Variants in TBL1X observed in about 807,000 individuals in gnomAD.
TBL1X encodes the protein F-box-like/WD repeat-containing protein TBL1X.
Under a neutral mutation model 50.7 loss-of-function variants are expected in TBL1X, and 10 were observed. The observed-to-expected ratio is 0.20, with a 90% CI of 0.12 to 0.33. The LOEUF is 0.33. Ranked by LOEUF, TBL1X falls within the 10% of genes least tolerant of loss-of-function variation. TBL1X has a pLI of 1.00. For synonymous variants in TBL1X, 190 were observed against 214.7 expected, an observed-to-expected ratio of 0.88 and a Z score of 1.01; for missense variants, 340 against 504.4, an observed-to-expected ratio of 0.67 and a Z score of 3.12.
chrX:9,475,452 G>T (rs1481441799), intron 1 of TBL1X, among the ~76,000 whole-genome samples: 1 of 109,755 alleles, frequency 9.1e-6, no homozygotes, highest in Non-Finnish European at 1.9e-5. Flanking sequence ...CACCATGTTG[G>T]CCAGGCTGGT....
At chrX:9,609,056 C>T (rs918248790) in intron 2 of TBL1X, among the ~76,000 whole-genome samples, 32 of 111,835 alleles carry the variant, frequency 2.9e-4, no homozygotes, top group African/African-American at 1.0e-3. Context: ...GAGAAAAGAA[C>T]TTCCTCAACA....
intron 2 of TBL1X, among the ~76,000 whole-genome samples, chrX:9,506,154 A>C (rs907330148): frequency 8.9e-6 from 1 of 112,390 alleles, no homozygotes; most frequent in Non-Finnish European, 1.9e-5. Context: ...AACTCATTCA[A>C]AACCACATAA....
chrX:9,559,955 GTAA>G (rs1441557607), intron 2 of TBL1X, among the ~76,000 whole-genome samples: 2 of 111,805 alleles, frequency 1.8e-5, no homozygotes, highest in African/African-American at 6.5e-5. Flanking sequence ...ATCATAGCTG[GTAA>G]TAATGCCCTC....
intron 4 of TBL1X, 122 bp downstream of exon 4, chrX:9,653,811 C>T: frequency 1.6e-6 from 1 of 626,697 alleles, no homozygotes; most frequent in Non-Finnish European, 2.4e-6. Context: ...TGAATCCCTC[C>T]ACGTCTGCCT....
intron 2 of TBL1X, among the ~76,000 whole-genome samples, chrX:9,544,467 A>G (rs1327936078): frequency 2.7e-5 from 3 of 111,865 alleles, no homozygotes; most frequent in Non-Finnish European, 5.6e-5. Context: ...GCGTGGTACA[A>G]ATGCAAAGTG....
chrX:9,710,345 TAGAG>T (rs202236353), intron 15 of TBL1X, among the ~76,000 whole-genome samples: 18 of 111,055 alleles, frequency 1.6e-4, no homozygotes, highest in African/African-American at 5.2e-4. Flanking sequence ...GGTCATCTCT[TAGAG>T]AGGACAGGAT....
intron 1 of TBL1X, among the ~76,000 whole-genome samples, chrX:9,495,348 A>G (rs988797145): frequency 1.1e-4 from 12 of 111,092 alleles, no homozygotes; most frequent in African/African-American, 3.9e-4. Flanking sequence ...CAGGTCATTC[A>G]GGGATGTCTA....
intron 2 of TBL1X, among the ~76,000 whole-genome samples, chrX:9,569,632 C>T (rs1470191102): frequency 8.9e-6 from 1 of 111,755 alleles, no homozygotes; most frequent in East Asian, 2.8e-4. Flanking sequence ...CGCCACTGCA[C>T]TCCAGCCTAG....
At chrX:9,684,301 G>A (rs1366326165) in intron 6 of TBL1X, 113 bp downstream of exon 6, 5 of 1,021,907 alleles carry the variant, frequency 4.9e-6, no homozygotes, top group East Asian at 3.3e-5. Flanking sequence ...GATTAATTCC[G>A]CGGCAGGGTG....
chrX:9,503,492 C>T (rs768267200), intron 2 of TBL1X, among the ~76,000 whole-genome samples: 36 of 84,050 alleles, frequency 4.3e-4, no homozygotes, highest in African/African-American at 1.1e-3. Context: ...GGAGGGGCAG[C>T]AGCCAGCACT....
At chrX:9,688,581 C>G (rs2083076528) in intron 7 of TBL1X, among the ~76,000 whole-genome samples, 1 of 112,654 alleles carries the variant, frequency 8.9e-6, no homozygotes, top group African/African-American at 3.2e-5. Flanking sequence ...TTCATGGACA[C>G]CTTTAGTCTC....
In TBL1X at chrX:9,557,596, G is replaced by A. The variant is rs138079050; in HGVS notation, c.-131+55747G>A. Among the ~76,000 whole-genome samples, 276 of 111,617 alleles carry A rather than the reference G, an allele frequency of 2.5e-3. 1 individual carries two copies. The highest frequency in any genetic ancestry group is 0.014 in the Middle Eastern group (3 of 218). On this transcript the variant is annotated intron_variant, in intron 2 of 17. Transcript: ENST00000645353. ...CCTGGACTTCGGAGTAAAGGGTAGCGATTGAGGAGTTAAAGGGTAGAATCA... is the reference window on the plus strand; with the variant it reads ...CCTGGACTTCGGAGTAAAGGGTAGCAATTGAGGAGTTAAAGGGTAGAATCA...
At chrX:9,569,264 G>A (rs2082371551) in intron 2 of TBL1X, among the ~76,000 whole-genome samples, 1 of 106,772 alleles carries the variant, frequency 9.4e-6, no homozygotes, top group African/African-American at 3.5e-5. Context: ...GGTGTGCTGT[G>A]TGTGTGTCTA....
intron 5 of TBL1X, among the ~76,000 whole-genome samples, chrX:9,655,544 G>T (rs1031508036): frequency 1.2e-4 from 13 of 111,998 alleles, no homozygotes; most frequent in Non-Finnish European, 1.7e-4. Flanking sequence ...CGCTGTTGGT[G>T]AACACTGCAA....
intron 2 of TBL1X, among the ~76,000 whole-genome samples, chrX:9,585,279 T>C (rs1206954916): frequency 9.2e-6 from 1 of 109,192 alleles, no homozygotes; most frequent in Non-Finnish European, 1.9e-5. Context: ...CAACTTTTAA[T>C]ACATGGATCT....
intron 15 of TBL1X, 62 bp from the exon 16 acceptor site, chrX:9,711,549 T>C (rs944053986): frequency 2.9e-6 from 3 of 1,025,607 alleles, no homozygotes; most frequent in African/African-American, 3.9e-5. Flanking sequence ...TGATACACAT[T>C]ATGGAGAACT....
intron 2 of TBL1X, among the ~76,000 whole-genome samples, chrX:9,551,985 G>A (rs760648015): frequency 2.8e-4 from 31 of 112,216 alleles, no homozygotes; most frequent in Admixed American, 7.5e-4. Context: ...CGGCTGCAAA[G>A]CCCTTAGGGG....
At chrX:9,578,820 C>T in intron 2 of TBL1X, among the ~76,000 whole-genome samples, 1 of 112,221 alleles carries the variant, frequency 8.9e-6, no homozygotes, top group Admixed American at 9.4e-5. Flanking sequence ...AACCATGATG[C>T]CTCTACTCAA....
chrX:9,592,860 G>A (rs2028051), intron 2 of TBL1X, among the ~76,000 whole-genome samples: 37,141 of 111,353 alleles, frequency 0.33, 4,601 homozygotes, highest in East Asian at 0.67. Context: ...ACGCACACAC[G>A]TAGAGTAGCT....
Sources: allele counts gnomAD v4.1 joint callset (sites outside exome capture counted in the v4.1 genomes callset), GRCh38; gene constraint gnomAD v4.1.1; transcripts MANE v1.5; gene names NCBI Gene and HGNC (gene_info 2026-07-23, HGNC 2026-07-21).